Variants in ULK4 observed in about 807,000 individuals in gnomAD.
ULK4 encodes the protein inactive serine/threonine-protein kinase ULK4.
A neutral mutation model predicts 160.6 loss-of-function variants in ULK4; 133 were observed. The ratio of observed to expected loss-of-function variants is 0.83; its 90% CI spans 0.72 to 0.96. ULK4 has a LOEUF of 0.96. Among genes scored for constraint, ULK4 ranks in the 40% least tolerant of loss-of-function variants. The probability of loss-of-function intolerance (pLI) is 0.00; values close to 1 mark genes in which losing one functional copy is unlikely to be tolerated. For missense variants in ULK4, 1,580 were observed against 1,499.5 expected (o/e 1.05, Z -0.89); for synonymous variants, 534 against 539.8 (o/e 0.99, Z 0.15).
At chr3:41,894,302 A>G (rs1698076303) in intron 16 of ULK4, among the ~76,000 whole-genome samples, 1 of 152,220 alleles carries the variant, frequency 6.6e-6, no homozygotes, top group African/African-American at 2.4e-5. Flanking sequence ...ATACTCAACC[A>G]TTACCTAAAA....
chr3:41,546,285 C>T (rs1432011985), intron 32 of ULK4, among the ~76,000 whole-genome samples: 1 of 151,992 alleles, frequency 6.6e-6, no homozygotes, highest in Non-Finnish European at 1.5e-5. Flanking sequence ...CCCCAAAATG[C>T]TTAGTTTTAT....
At chr3:41,886,987 C>T (rs1455326602) in intron 16 of ULK4, among the ~76,000 whole-genome samples, 2 of 152,194 alleles carry the variant, frequency 1.3e-5, no homozygotes, top group Non-Finnish European at 2.9e-5. Context: ...TGAATACATT[C>T]ATCAATACAT....
At position 41,685,543 on chromosome 3, in the gene ULK4, T is replaced by G. The variant is rs58193365; in HGVS notation, c.2782-3739A>C. ...AGAACTGTCCTTAGGAGATCCAAAA[T>G]AAACCAAGATTGTAGAGTGTTCCAC... On this transcript the variant is annotated intron_variant, in intron 27 of 36. Coordinates refer to ENST00000301831, the MANE Select transcript of ULK4 (RefSeq NM_017886.4). Among the ~76,000 whole-genome samples the G allele has an allele frequency of 5.4e-3, 824 of 152,250 alleles. 25 individuals carry two copies. The East Asian group carries it at 0.087, about 16-fold the overall frequency.
chr3:41,532,753 A>C (rs190769204), intron 32 of ULK4, among the ~76,000 whole-genome samples: 162 of 152,300 alleles, frequency 1.1e-3, no homozygotes, highest in African/African-American at 3.7e-3. Context: ...AAAGCTTAAA[A>C]TATTTCTTGT....
chr3:41,626,177 A>G (rs1425765856), intron 30 of ULK4, among the ~76,000 whole-genome samples: 1 of 152,212 alleles, frequency 6.6e-6, no homozygotes, highest in Admixed American at 6.5e-5. Flanking sequence ...TTCAATTACC[A>G]AGTTTGGAAT....
chr3:41,878,082 A>G (rs13340159), intron 17 of ULK4, among the ~76,000 whole-genome samples: 14 of 49,024 alleles, frequency 2.9e-4, no homozygotes, highest in African/African-American at 8.0e-4. Context: ...CTCTACCAGG[A>G]AAAAAAAAAA....
rs1697615861 is a variant in ULK4, at chr3:41,883,874, C to A, written c.1656G>T (p.Glu552Asp). 8.7e-6 allele frequency: 14 copies of A among 1,602,100 alleles called. No homozygotes were observed. The highest frequency in any genetic ancestry group is 1.2e-5 in the Non-Finnish European group (14 of 1,169,056). ...ACATTTAAGTAATAAAAGACATTAC[C>A]TCAACAACAGGTGTATTTTCCTGGA... ...AELQENTPVV[E>D]AIVLLTELIR... The change falls in exon 17 of 37, where the codon GAG becomes GAT. Residue 552 changes from glutamate to aspartate, a missense_variant and splice_region_variant. By Grantham distance (45) the Glu-to-Asp change is conservative. Transcript: ENST00000301831.
At chr3:41,519,787 G>A (rs2085870050) in intron 32 of ULK4, among the ~76,000 whole-genome samples, 1 of 152,196 alleles carries the variant, frequency 6.6e-6, no homozygotes. Flanking sequence ...TGACCCTACA[G>A]TTTCAAGGAG....
chr3:41,321,376 G>A (rs1001380682), intron 35 of ULK4, among the ~76,000 whole-genome samples: 1 of 152,144 alleles, frequency 6.6e-6, no homozygotes, highest in Non-Finnish European at 1.5e-5. Flanking sequence ...GATTGGTGTA[G>A]CAGGTATATT....
At chr3:41,738,966 T>C (rs2125877274) in intron 22 of ULK4, among the ~76,000 whole-genome samples, 1 of 151,992 alleles carries the variant, frequency 6.6e-6, no homozygotes, top group Middle Eastern at 3.4e-3. Context: ...CAGGGAAGCA[T>C]CAATAAGTGA....
intron 21 of ULK4, among the ~76,000 whole-genome samples, chr3:41,762,370 CA>C (rs1222990381): frequency 6.6e-6 from 1 of 151,588 alleles, no homozygotes; most frequent in Non-Finnish European, 1.5e-5. Flanking sequence ...TCTATCTACC[CA>C]AAAGAATTTA....
In ULK4 at chr3:41,484,661, C is replaced by G. The variant is rs373533888; in HGVS notation, c.3227-21408G>C. On this transcript the variant is annotated intron_variant, in intron 32 of 36. Transcript: ENST00000301831. ...TAGAGACGGGGTTTCACCGTGTTAGCCAGGATGGTCTTGATCTCCTGACCT... is the reference window on the plus strand; with the variant it reads ...TAGAGACGGGGTTTCACCGTGTTAGGCAGGATGGTCTTGATCTCCTGACCT... Among the ~76,000 whole-genome samples, 120 of 152,124 alleles carry G rather than the reference C, an allele frequency of 7.9e-4. 2 individuals are homozygous for G. Among genetic ancestry groups the G allele is most frequent in the African/African-American group, 2.4e-3 (98 of 41,490 alleles).
chr3:41,266,276 T>C (rs943922309), intron 35 of ULK4, among the ~76,000 whole-genome samples: 1 of 152,136 alleles, frequency 6.6e-6, no homozygotes, highest in African/African-American at 2.4e-5. Flanking sequence ...CATGTAGCAA[T>C]CACTCCTTCT....
At chr3:41,305,326 CCCTG>C (rs2079885773) in intron 35 of ULK4, among the ~76,000 whole-genome samples, 2 of 152,218 alleles carry the variant, frequency 1.3e-5, no homozygotes, top group South Asian at 4.1e-4. Flanking sequence ...ACTGCAACCT[CCCTG>C]CCTGATTCTC....
chr3:41,793,673 A>G (rs1489089535), intron 20 of ULK4, among the ~76,000 whole-genome samples: 1 of 152,196 alleles, frequency 6.6e-6, no homozygotes. Context: ...CACTTCAGTA[A>G]TTATGATTAC....
intron 34 of ULK4, among the ~76,000 whole-genome samples, chr3:41,448,882 A>G (rs906195366): frequency 6.6e-6 from 1 of 151,986 alleles, no homozygotes; most frequent in African/African-American, 2.4e-5. Flanking sequence ...GAACAGTTTT[A>G]TTTTTATTAT....
At chr3:41,250,008 A>G (rs1287944384) in intron 35 of ULK4, among the ~76,000 whole-genome samples, 1 of 152,214 alleles carries the variant, frequency 6.6e-6, no homozygotes, top group African/African-American at 2.4e-5. Flanking sequence ...GGATAGAAGG[A>G]TGCCAAGAAG....
chr3:41,803,120 A>G (rs111520733), intron 19 of ULK4, among the ~76,000 whole-genome samples: 18,391 of 150,606 alleles, frequency 0.12, 1,293 homozygotes, highest in Middle Eastern at 0.27. Flanking sequence ...GCAGTGAGCC[A>G]AGATCGCACC....
chr3:41,623,333 AG>A (rs1402449532), intron 30 of ULK4, among the ~76,000 whole-genome samples: 3 of 152,192 alleles, frequency 2.0e-5, no homozygotes, highest in Non-Finnish European at 4.4e-5. Flanking sequence ...ACACTTGTGA[AG>A]GGAAAATGAG....
Sources: allele counts gnomAD v4.1 joint callset (sites outside exome capture counted in the v4.1 genomes callset), GRCh38; gene constraint gnomAD v4.1.1; transcripts MANE v1.5; gene names NCBI Gene and HGNC (gene_info 2026-07-23, HGNC 2026-07-21).